The following CACNA1A variants were observed in gnomAD, a reference collection of about 807,000 sequenced individuals.
CACNA1A encodes the protein voltage-dependent P/Q-type calcium channel subunit alpha-1A.
A neutral mutation model predicts 262.4 loss-of-function variants in CACNA1A; 57 were observed. That is an observed-to-expected ratio of 0.22 (90% CI 0.18 to 0.27). The LOEUF (loss-of-function observed/expected upper bound fraction) is 0.27. Among genes scored for constraint, CACNA1A ranks in the 10% least tolerant of loss-of-function variants. The pLI is 1.00. For synonymous variants in CACNA1A, 1,431 were observed against 1,419.3 expected, an observed-to-expected ratio of 1.01 and a Z score of -0.18; for missense variants, 2,526 against 3,562.8, an observed-to-expected ratio of 0.71 and a Z score of 7.41.
intron 34 of CACNA1A, 159 bp downstream of exon 34, chr19:13,234,738 CCGGAAGAGAAGGGCACGCCCCCTA>C: frequency 1.2e-5 from 5 of 409,462 alleles, no homozygotes; most frequent in East Asian, 3.7e-4. Context: ...ACGTCCCCTA[CCGGAAGAGAAGGGCACGCCCCCTA>C]CCGGAAAAGA....
intron 27 of CACNA1A, chr19:13,258,835 G>A (rs2056642376): frequency 6.6e-6 from 1 of 151,986 alleles, no homozygotes; most frequent in African/African-American, 2.4e-5. Context: ...AATTAAGGGG[G>A]TACTGAAAAT....
At chr19:13,347,743 T>C (rs2058818877) in intron 6 of CACNA1A, among the ~76,000 whole-genome samples, 1 of 152,156 alleles carries the variant, frequency 6.6e-6, no homozygotes, top group Non-Finnish European at 1.5e-5. Flanking sequence ...AGTGTCTGCA[T>C]ACAGTAGGCA....
Position 13,214,625 on chromosome 19 carries a change from G to A in CACNA1A, c.5732-17C>T, listed in dbSNP as rs373532283. The A allele has an allele frequency of 6.3e-7, 1 of 1,589,518 alleles. No individual in the cohort carries two copies. Among genetic ancestry groups the A allele is most frequent in the Admixed American group, 1.7e-5 (1 of 59,276 alleles). ...CGGCTCCTCCTGCAATGGGGGTGTA[G>A]ACAGACCCTGACTGCCTGCCTGGGT... On this transcript the variant is annotated splice_polypyrimidine_tract_variant and intron_variant, in intron 38 of 46. Coordinates refer to ENST00000360228, the MANE Select transcript of CACNA1A (RefSeq NM_001127222.2). The surrounding 1 kb of genome is among the most constrained non-coding windows in gnomAD (Gnocchi z 4.1).
intron 6 of CACNA1A, among the ~76,000 whole-genome samples, chr19:13,356,588 G>T (rs972398823): frequency 2.6e-5 from 4 of 152,088 alleles, no homozygotes; most frequent in Admixed American, 2.0e-4. Context: ...CACTGGGCAC[G>T]CCCCCAGCAT....
At chr19:13,432,448 T>TAAAA (rs1555786213) in intron 3 of CACNA1A, among the ~76,000 whole-genome samples, 3 of 150,140 alleles carry the variant, frequency 2.0e-5, no homozygotes, top group Non-Finnish European at 4.4e-5. Context: ...AATAAATAAA[T>TAAAA]AAAAATTAAA....
At chr19:13,431,101 A>T (rs558396096) in intron 3 of CACNA1A, among the ~76,000 whole-genome samples, 55 of 151,914 alleles carry the variant, frequency 3.6e-4, no homozygotes, top group African/African-American at 1.2e-3. Context: ...CCCTGTGAGG[A>T]GAATTTGGGC....
chr19:13,298,819 GC>G lies in CACNA1A; in HGVS notation c.2813del (p.Gly938AlafsTer131). Reference sequence around the variant, plus strand: ...GGGACCCGCTGCGGCTCTCCCTGCTGCCCCCCTGCCGGTGCACGTGCCTCCG... The same window carrying G: ...GGGACCCGCTGCGGCTCTCCCTGCTGCCCCCTGCCGGTGCACGTGCCTCCG... ...PHRRHVHRQG[G>X]SRESRSGSPR... is the part of the protein sequence containing the mutation. On this transcript the variant is annotated frameshift_variant, in exon 19 of 47. Transcript: ENST00000360228. LOFTEE classifies it high-confidence loss of function. 6.4e-7 allele frequency: 1 copy of G among 1,570,682 alleles called. No homozygotes were observed.
At chr19:13,240,811 G>A (rs948090930) in intron 31 of CACNA1A, among the ~76,000 whole-genome samples, 1 of 152,212 alleles carries the variant, frequency 6.6e-6, no homozygotes, top group Admixed American at 6.5e-5. Context: ...CAGTGACTGT[G>A]TGTGCAGTGT....
At chr19:13,492,636 T>C (rs1265312497) in intron 1 of CACNA1A, among the ~76,000 whole-genome samples, 1 of 152,068 alleles carries the variant, frequency 6.6e-6, no homozygotes, top group Admixed American at 6.5e-5. Context: ...TCAAAACAAA[T>C]ATACAAAAGG....
At chr19:13,232,005 G>T in intron 34 of CACNA1A, 145 bp from the exon 35 acceptor site, 1 of 700,468 alleles carries the variant, frequency 1.4e-6, no homozygotes, top group Non-Finnish European at 2.4e-6. Context: ...CTTTTACTGG[G>T]AGCTGAGAGA....
chr19:13,212,850 T>A lies in CACNA1A; in HGVS notation c.5941-110A>T, dbSNP rs532900676. 495 of 407,852 alleles carry A rather than the reference T, an allele frequency of 1.2e-3. No individual in the cohort carries two copies. Among genetic ancestry groups the A allele is most frequent in the African/African-American group, 3.1e-3 (127 of 41,554 alleles). The allele number at this position is 407,852 out of a possible 1,614,324, so 25.3% of individuals were successfully genotyped here. ...TATACACACACACACACACACACAC[T>A]CTCTCAGGTCTCATCCATCTAGACC... On this transcript the variant is annotated intron_variant, in intron 40 of 46. Coordinates refer to ENST00000360228, the MANE Select transcript of CACNA1A (RefSeq NM_001127222.2). The surrounding 1 kb of genome is among the most constrained non-coding windows in gnomAD (Gnocchi z 5.6).
chr19:13,311,918 T>C (rs1204170659), intron 12 of CACNA1A, among the ~76,000 whole-genome samples: 5 of 152,152 alleles, frequency 3.3e-5, no homozygotes, highest in Non-Finnish European at 2.9e-5. Flanking sequence ...CTATGGTAAA[T>C]GATTAGGGCT....
intron 10 of CACNA1A, among the ~76,000 whole-genome samples, chr19:13,318,167 C>T (rs1739952056): frequency 6.6e-6 from 1 of 151,978 alleles, no homozygotes; most frequent in Non-Finnish European, 1.5e-5. Context: ...CACAGAGGGA[C>T]TGGGAGCCCT....
Position 13,286,689 on chromosome 19 carries a change from G to T in CACNA1A, c.3367C>A (p.Arg1123=), listed in dbSNP as rs775079497. The T allele has an allele frequency of 1.9e-6, 3 of 1,574,144 alleles. No homozygotes were observed. The highest frequency in any genetic ancestry group is 2.3e-5 in the South Asian group (2 of 85,282). ...GGGTTCCCCGGGTTGTTGGGCGTCCGGCGGCTGGCGGCGTTCTGGGGGTTG... is the reference window on the plus strand; with the variant it reads ...GGGTTCCCCGGGTTGTTGGGCGTCCTGCGGCTGGCGGCGTTCTGGGGGTTG... ...ATNPQNAASR[R]TPNNPGNPSN... The change falls in exon 20 of 47, where the codon CGG becomes AGG. Residue 1123 remains arginine (R), a synonymous_variant. Transcript: ENST00000360228.
chr19:13,257,942 G>A, intron 27 of CACNA1A: 1 of 162,844 alleles, frequency 6.1e-6, no homozygotes, highest in South Asian at 1.7e-4. Context: ...GTTTCACCAT[G>A]TTGGCCAGGC....
At chr19:13,462,283 G>C (rs1403940267) in intron 1 of CACNA1A, among the ~76,000 whole-genome samples, 1 of 152,156 alleles carries the variant, frequency 6.6e-6, no homozygotes, top group Non-Finnish European at 1.5e-5. Context: ...GCTGATGGGT[G>C]GGTTCTAAGG....
Position 13,214,068 on chromosome 19 carries a change from G to T in CACNA1A, c.5940+165C>A. The T allele has an allele frequency of 1.6e-6, 1 of 620,520 alleles. No individual in the cohort carries two copies. 38.4% of individuals were successfully genotyped at this position (620,520 alleles called of 1,614,324 possible). A position where few individuals can be genotyped will look rare whatever the true frequency, so the allele number is the denominator to read the frequency against. ...GGTCTCAAACGATCCCTCTGCCCTG[G>T]CCTCTCAAAGCACTGAGATTGCAGG... On this transcript the variant is annotated intron_variant, in intron 40 of 46. Transcript: ENST00000360228. This position sits in a 1 kb window ranked among gnomAD's most constrained non-coding sequence, Gnocchi z 4.1.
At chr19:13,369,562 C>T (rs985271776) in intron 4 of CACNA1A, among the ~76,000 whole-genome samples, 1 of 152,220 alleles carries the variant, frequency 6.6e-6, no homozygotes, top group Non-Finnish European at 1.5e-5. Context: ...ATGGGGACTG[C>T]AATAGTACCT....
rs77921937 is a variant in CACNA1A at position 13,407,871 on chromosome 19, G to A, written c.540-36092C>T. ...ATTGTAATCCCCAATGTTGGGGGAG[G>A]GACCTGGTAGGAGGTGATTGGATCC... On this transcript the variant is annotated intron_variant, in intron 3 of 46. Coordinates refer to ENST00000360228, the MANE Select transcript of CACNA1A (RefSeq NM_001127222.2). 9.6e-3 allele frequency among the ~76,000 whole-genome samples: 1,465 copies of A among 152,172 alleles called. 24 individuals are homozygous for A. Among genetic ancestry groups the A allele is most frequent in the African/African-American group, 0.034 (1,407 of 41,514 alleles).
Sources: gnomAD v4.1 joint callset for allele counts (sites outside exome capture counted in the v4.1 genomes callset) on GRCh38, gnomAD v4.1.1 for gene constraint, Gnocchi (gnomAD v3.1) non-coding constraint, MANE v1.5 for transcripts, NCBI Gene and HGNC (gene_info 2026-07-23, HGNC 2026-07-21) for gene names.